The following GPR107 variants were observed in gnomAD, a reference collection of about 807,000 sequenced individuals.
GPR107 encodes the protein protein GPR107.
Under a neutral mutation model 75.5 loss-of-function variants are expected in GPR107, and 31 were observed. The ratio of observed to expected loss-of-function variants is 0.41; its 90% CI spans 0.31 to 0.55. GPR107 has a LOEUF of 0.55. Among genes scored for constraint, GPR107 ranks in the 20% least tolerant of loss-of-function variants. The pLI is 0.26. For synonymous variants in GPR107, 267 were observed against 251.3 expected (o/e 1.06, Z -0.59); for missense variants, 572 against 665.7 (o/e 0.86, Z 1.55).
chr9:130,106,028 A>T (rs1220841177), intron 13 of GPR107, among the ~76,000 whole-genome samples: 1 of 152,158 alleles, frequency 6.6e-6, no homozygotes, highest in Non-Finnish European at 1.5e-5. Context: ...TCACTCGGGT[A>T]TCTAACATAG....
At chr9:130,108,719 A>C (rs1831220667) in intron 14 of GPR107, 1 of 455,868 alleles carries the variant, frequency 2.2e-6, no homozygotes, top group Non-Finnish European at 4.4e-6. Context: ...TTTTCTTTCT[A>C]GTCCTGGGAA....
At chr9:130,129,447 C>T (rs540582355) in intron 17 of GPR107, 2 of 152,418 alleles carry the variant, frequency 1.3e-5, no homozygotes, top group South Asian at 4.1e-4. Flanking sequence ...GCCCCCAGCC[C>T]TGGCAGCCTT....
Position 130,054,033 on chromosome 9 carries a change from C to T in GPR107, c.101C>T (p.Ala34Val). 6.4e-7 allele frequency: 1 copy of T among 1,554,862 alleles called. No homozygotes were observed. Among genetic ancestry groups the T allele is most frequent in the Non-Finnish European group, 8.7e-7 (1 of 1,149,242 alleles). ...ATGCTGGGTTTGCTGCAGTTGCTGG[C>T]CGAGCCTGGCCTGGGCCGCGTCCAT... ...LPMLGLLQLL[A>V]EPGLGRVHHL... Residue 34 changes from alanine (A) to valine (V), a missense_variant, in exon 1 of 18, where the codon GCC becomes GTC. Physicochemically the swap from Ala to Val is moderately conservative, Grantham distance 64. Coordinates refer to ENST00000347136, the MANE Select transcript of GPR107 (RefSeq NM_020960.5).
intron 5 of GPR107, among the ~76,000 whole-genome samples, chr9:130,080,238 G>A (rs1175775967): frequency 6.6e-6 from 1 of 152,136 alleles, no homozygotes; most frequent in Non-Finnish European, 1.5e-5. Context: ...TCTTCGTATA[G>A]CGAACGTTCT....
Position 130,092,262 on chromosome 9 carries a change from G to C in GPR107, c.744G>C (p.Glu248Asp), listed in dbSNP as rs779725164. ...GCTGGTTTCAGATTGAGATCACAGA[G>C]AAGAATCCTGACAGCTACCTCTCAG... ...FTFSLDIEIT[E>D]KNPDSYLSAG... Residue 248 changes from glutamate (E) to aspartate (D), a missense_variant, in exon 9 of 18, where the codon GAG (glutamate) becomes GAC (aspartate). Transcript: ENST00000347136. 1 of 1,611,124 alleles carries C rather than the reference G, an allele frequency of 6.2e-7. No homozygotes were observed. Among genetic ancestry groups the C allele is most frequent in the South Asian group, 1.1e-5 (1 of 91,016 alleles).
rs1309149013 is a variant in GPR107, at chr9:130,135,688, C to T, written c.*567C>T. 6.5e-6 allele frequency: 1 copy of T among 152,966 alleles called. No individual in the cohort carries two copies. Among genetic ancestry groups the T allele is most frequent in the East Asian group, 1.9e-4 (1 of 5,178 alleles). The allele number at this position is 152,966 out of a possible 1,614,324, so 9.5% of individuals were successfully genotyped here. On this transcript the variant is annotated 3_prime_UTR_variant, in exon 18 of 18. Coordinates refer to ENST00000347136, the MANE Select transcript of GPR107 (RefSeq NM_020960.5). ...TAGCACCTGCCCCAGGATTCCTGCC[C>T]TCGGCTTTGCCCCAGACCCTTATTC...
rs73541568 is a variant in GPR107, at chr9:130,135,298, C to T, written c.*177C>T. ...GATTTTGTACTCTCTTTTATGGAAACGATCTGTGGCTGTTTAGAGGCAGCT... is the reference window on the plus strand; with the variant it reads ...GATTTTGTACTCTCTTTTATGGAAATGATCTGTGGCTGTTTAGAGGCAGCT... On this transcript the variant is annotated 3_prime_UTR_variant, in exon 18 of 18. Coordinates refer to ENST00000347136, the MANE Select transcript of GPR107 (RefSeq NM_020960.5). 26,983 of 477,876 alleles carry T rather than the reference C, an allele frequency of 0.056. 993 individuals are homozygous for T. The highest frequency in any genetic ancestry group is 0.1 in the Admixed American group (2,728 of 26,042). 29.6% of individuals were successfully genotyped at this position (477,876 alleles called of 1,614,324 possible).
intron 9 of GPR107, among the ~76,000 whole-genome samples, chr9:130,097,508 A>G (rs1040632158): frequency 6.6e-6 from 1 of 152,044 alleles, no homozygotes; most frequent in Non-Finnish European, 1.5e-5. Flanking sequence ...ATATAGGTTT[A>G]TACGTCTACC....
At chr9:130,131,573 CG>C (rs1484829610) in intron 17 of GPR107, among the ~76,000 whole-genome samples, 1 of 152,110 alleles carries the variant, frequency 6.6e-6, no homozygotes. Flanking sequence ...TCACTGCCCC[CG>C]GCCCCTCCTG....
intron 14 of GPR107, among the ~76,000 whole-genome samples, chr9:130,122,101 C>G (rs1171433215): frequency 6.6e-6 from 1 of 152,078 alleles, no homozygotes; most frequent in Non-Finnish European, 1.5e-5. Flanking sequence ...CCGTGTTAGC[C>G]AGGATGGTCT....
At chr9:130,098,088 G>A (rs1433799076) in intron 9 of GPR107, among the ~76,000 whole-genome samples, 1 of 152,072 alleles carries the variant, frequency 6.6e-6, no homozygotes, top group Non-Finnish European at 1.5e-5. Context: ...TTGTCATCTT[G>A]CCCAGGCTAA....
At chr9:130,120,238 C>G (rs1831517302) in intron 14 of GPR107, among the ~76,000 whole-genome samples, 1 of 152,224 alleles carries the variant, frequency 6.6e-6, no homozygotes, top group Non-Finnish European at 1.5e-5. Context: ...TGTTTCTTCA[C>G]TGGTGCCTGT....
chr9:130,119,350 A>C (rs1831497785), intron 14 of GPR107, among the ~76,000 whole-genome samples: 1 of 152,178 alleles, frequency 6.6e-6, no homozygotes, highest in Admixed American at 6.5e-5. Context: ...AGCCGCTGTG[A>C]CACAGTATAT....
chr9:130,127,342 A>G, intron 15 of GPR107, 141 bp from the exon 16 acceptor site: 1 of 634,070 alleles, frequency 1.6e-6, no homozygotes, highest in Non-Finnish European at 2.8e-6. Context: ...TGCACGTATT[A>G]ATTCACACTG....
At chr9:130,090,156 T>C (rs1438320321) in intron 7 of GPR107, among the ~76,000 whole-genome samples, 1 of 152,202 alleles carries the variant, frequency 6.6e-6, no homozygotes, top group Non-Finnish European at 1.5e-5. Flanking sequence ...GAGATTTCTT[T>C]TTATTGGTAG....
At chr9:130,128,216 A>G (rs1348873934) in intron 16 of GPR107, among the ~76,000 whole-genome samples, 1 of 152,240 alleles carries the variant, frequency 6.6e-6, no homozygotes, top group Non-Finnish European at 1.5e-5. Context: ...CTGAGTAGTT[A>G]GAATTCAGGC....
rs1829644506 is a variant in GPR107, at chr9:130,053,922, C to T, written c.-11C>T. 6.4e-7 allele frequency: 1 copy of T among 1,557,162 alleles called. No individual in the cohort carries two copies. The highest frequency in any genetic ancestry group is 8.7e-7 in the Non-Finnish European group (1 of 1,152,230). ...GCGGGAGAGGAAGCGGCTGGTGATGCTGGAACAAACATGGCCGCTCTGGCG... is the reference window on the plus strand; with the variant it reads ...GCGGGAGAGGAAGCGGCTGGTGATGTTGGAACAAACATGGCCGCTCTGGCG... On this transcript the variant is annotated 5_prime_UTR_variant, in exon 1 of 18. Coordinates refer to ENST00000347136, the MANE Select transcript of GPR107 (RefSeq NM_020960.5).
chr9:130,113,378 C>T lies in GPR107; in HGVS notation c.1306+5839C>T, dbSNP rs766321111. ...CTCCTGAGTAGGTGGGACTACAGGT[C>T]TTTCCACCATGCCCGGCTAATTCTT... is the stretch of plus-strand genomic sequence containing the variant. On this transcript the variant is annotated intron_variant, in intron 14 of 17. Transcript: ENST00000347136. Among the ~76,000 whole-genome samples the T allele has an allele frequency of 2.3e-4, 35 of 151,286 alleles. 1 individual carries two copies. The highest frequency in any genetic ancestry group is 4.1e-4 in the Non-Finnish European group (28 of 67,926).
chr9:130,117,266 A>G (rs1001273722), intron 14 of GPR107, among the ~76,000 whole-genome samples: 1 of 151,804 alleles, frequency 6.6e-6, no homozygotes, highest in Non-Finnish European at 1.5e-5. Flanking sequence ...TTTTCGATTC[A>G]TTTTCACATG....
Sources: gnomAD v4.1 joint callset for allele counts (sites outside exome capture counted in the v4.1 genomes callset) on GRCh38, gnomAD v4.1.1 for gene constraint, MANE v1.5 for transcripts, NCBI Gene and HGNC (gene_info 2026-07-23, HGNC 2026-07-21) for gene names.